The following HMX1 variants were observed in gnomAD, a reference collection of about 807,000 sequenced individuals.
HMX1 encodes the protein homeobox protein HMX1.
In HMX1, 8 loss-of-function variants were observed where a neutral mutation model predicts 8.9. That is an observed-to-expected ratio of 0.90 (90% CI 0.53 to 1.63). HMX1 has a LOEUF of 1.63. Among genes scored for constraint, HMX1 ranks in the 40% most tolerant of loss-of-function variants. The pLI, the probability that HMX1 is intolerant of heterozygous loss-of-function variation, is 0.00. For missense variants in HMX1, 621 were observed against 558.5 expected (o/e 1.11, Z -1.13); for synonymous variants, 311 against 283.4 (o/e 1.10, Z -0.98).
intron 1 of HMX1, among the ~76,000 whole-genome samples, chr4:8,846,652 C>T (rs910167016): frequency 2.6e-5 from 4 of 152,156 alleles, no homozygotes; most frequent in African/African-American, 9.6e-5. Context: ...AGGCCTCCTG[C>T]CTCTTCCACC....
Position 8,871,081 on chromosome 4 carries a change from C to A in HMX1, c.394+140G>T. 1 of 989,266 alleles carries A rather than the reference C, an allele frequency of 1.0e-6. No homozygotes were observed. The highest frequency in any genetic ancestry group is 1.3e-6 in the Non-Finnish European group (1 of 765,548). The allele number at this position is 989,266 out of a possible 1,614,324, so 61.3% of individuals were successfully genotyped here. A position where few individuals can be genotyped will look rare whatever the true frequency, so the allele number is the denominator to read the frequency against. The stretch of plus-strand genomic sequence containing the variant: ...GCCCAACCAGGGGCTCCTGGGGGCC[C>A]CACAAGGCCCAGACGCCGTTCCACA... On this transcript the variant is annotated intron_variant, in intron 1 of 1. Coordinates refer to ENST00000400677, the MANE Select transcript of HMX1 (RefSeq NM_018942.3). The surrounding 1 kb of genome is among the most constrained non-coding windows in gnomAD (Gnocchi z 4.8).
chr4:8,867,429 G>GT lies in HMX1; in HGVS notation c.*263_*264insA. 9.1e-7 allele frequency: 1 copy of GT among 1,097,620 alleles called. No individual in the cohort carries two copies. Among genetic ancestry groups the GT allele is most frequent in the Non-Finnish European group, 1.1e-6 (1 of 902,908 alleles). 68.0% of individuals were successfully genotyped at this position (1,097,620 alleles called of 1,614,324 possible). On this transcript the variant is annotated 3_prime_UTR_variant, in exon 2 of 2. Coordinates refer to ENST00000400677, the MANE Select transcript of HMX1 (RefSeq NM_018942.3). The stretch of plus-strand genomic sequence containing the variant: ...CCGGGGGGTGGCCGTGGCGCCGGGG[G>GT]CTGCGCAGCCCAGAGTCTCTGCATG...
intron 1 of HMX1, among the ~76,000 whole-genome samples, chr4:8,859,596 A>G (rs550883783): frequency 1.3e-5 from 2 of 152,096 alleles, no homozygotes; most frequent in East Asian, 3.9e-4. Context: ...ACCCTCCCCC[A>G]CTCACCCAGA....
At chr4:8,859,345 C>T (rs765482017) in intron 1 of HMX1, among the ~76,000 whole-genome samples, 1 of 152,018 alleles carries the variant, frequency 6.6e-6, no homozygotes, top group Non-Finnish European at 1.5e-5. Flanking sequence ...CGATTGACAG[C>T]CCTCCCAGAA....
At chr4:8,846,369 G>A (rs1721275969) in intron 1 of HMX1, 6 of 1,419,038 alleles carry the variant, frequency 4.2e-6, no homozygotes, top group South Asian at 1.3e-5. Flanking sequence ...AGTCATGTCT[G>A]CACAAGGTGT....
intron 1 of HMX1, chr4:8,846,369 G>T: frequency 7.0e-7 from 1 of 1,419,156 alleles, no homozygotes; most frequent in Non-Finnish European, 9.5e-7. Flanking sequence ...AGTCATGTCT[G>T]CACAAGGTGT....
rs1721338540 is a variant in HMX1, at chr4:8,848,397, T to G, written c.395-2073A>C. On this transcript the variant is annotated intron_variant, in intron 1 of 1. Transcript: ENST00000506970. This position sits in a 1 kb window ranked among gnomAD's most constrained non-coding sequence, Gnocchi z 4.1. Reference sequence around the variant, plus strand: ...TAGCTTCTATTGGACAATGCCACCTTGAAGCCTATGATATTTTGATAAAAT... The same window carrying G: ...TAGCTTCTATTGGACAATGCCACCTGGAAGCCTATGATATTTTGATAAAAT... Among the ~76,000 whole-genome samples the G allele has an allele frequency of 1.3e-5, 2 of 152,250 alleles. No homozygotes were observed. The highest frequency in any genetic ancestry group is 4.1e-4 in the South Asian group (2 of 4,836).
At chr4:8,864,314 A>C (rs983857017), downstream of HMX1, among the ~76,000 whole-genome samples, 1 of 152,182 alleles carries the variant, frequency 6.6e-6, no homozygotes, top group Non-Finnish European at 1.5e-5. Flanking sequence ...TGTGTCCAGG[A>C]TGTCCAGAGC....
At chr4:8,869,052 A>G (rs141149917) in intron 1 of HMX1, among the ~76,000 whole-genome samples, 2,075 of 152,296 alleles carry the variant, frequency 0.014, 26 homozygotes, top group Non-Finnish European at 0.021. Flanking sequence ...ACCAGCCACA[A>G]TCATGCTCAA....
rs954613433 is a variant in HMX1 at position 8,868,326 on chromosome 4, C to T, written c.414G>A (p.Pro138=). The T allele has an allele frequency of 3.5e-6, 5 of 1,409,678 alleles. No homozygotes were observed. Among genetic ancestry groups the T allele is most frequent in the East Asian group, 6.1e-5 (2 of 32,944 alleles). 87.3% of individuals were successfully genotyped at this position (1,409,678 alleles called of 1,614,324 possible). A position where few individuals can be genotyped will look rare whatever the true frequency, so the allele number is the denominator to read the frequency against. Residue 138 remains proline (P), a synonymous_variant, in exon 2 of 2, where the codon CCG becomes CCA. Coordinates refer to ENST00000400677, the MANE Select transcript of HMX1 (RefSeq NM_018942.3). The surrounding 1 kb of genome is among the most constrained non-coding windows in gnomAD (Gnocchi z 4.6). ...CACGGCCCATCTCCTCGCCCGTCTCCGGTGAGTCCCGGTCGCTGGCTGCAG... is the reference window on the plus strand; with the variant it reads ...CACGGCCCATCTCCTCGCCCGTCTCTGGTGAGTCCCGGTCGCTGGCTGCAG... The part of the protein sequence containing the change: ...LSPDTSDRDS[P]ETGEEMGRAE...
chr4:8,871,197 C>T lies in HMX1; in HGVS notation c.394+24G>A. ...GGAAGTCGGGCCCCACCGCCTGACCCACCCTCCCCGCGCCCTCACTCACTG... is the reference window on the plus strand; with the variant it reads ...GGAAGTCGGGCCCCACCGCCTGACCTACCCTCCCCGCGCCCTCACTCACTG... On this transcript the variant is annotated intron_variant, in intron 1 of 1. Coordinates refer to ENST00000400677, the MANE Select transcript of HMX1 (RefSeq NM_018942.3). This position sits in a 1 kb window ranked among gnomAD's most constrained non-coding sequence, Gnocchi z 4.8. The T allele has an allele frequency of 7.2e-7, 1 of 1,398,234 alleles. No individual in the cohort carries two copies. 86.6% of individuals were successfully genotyped at this position (1,398,234 alleles called of 1,614,324 possible).
In HMX1 at chr4:8,849,859, C is replaced by T. The variant is rs992291202; in HGVS notation, c.395-3535G>A. ...ATTTGTCATTTAACTCCACCCTCAG[C>T]CCGGAGTCTTCAGATGAGGGTTCTC... On this transcript the variant is annotated intron_variant, in intron 1 of 1. Coordinates refer to the HMX1 transcript ENST00000506970. The surrounding 1 kb of genome is among the most constrained non-coding windows in gnomAD (Gnocchi z 6.6). Among the ~76,000 whole-genome samples the T allele has an allele frequency of 2.6e-5, 4 of 152,218 alleles. No individual in the cohort carries two copies. Among genetic ancestry groups the T allele is most frequent in the Admixed American group, 6.5e-5 (1 of 15,290 alleles).
chr4:8,860,727 G>C (rs1022415540), intron 1 of HMX1: 2 of 152,340 alleles, frequency 1.3e-5, no homozygotes, highest in African/African-American at 4.8e-5. Flanking sequence ...AGGCCCGGGC[G>C]GATCAGACGC....
Position 8,871,536 on chromosome 4 carries a change from C to T in HMX1, c.79G>A (p.Ala27Thr), listed in dbSNP as rs1157791586. The T allele has an allele frequency of 1.5e-6, 2 of 1,360,216 alleles. No individual in the cohort carries two copies. Among genetic ancestry groups the T allele is most frequent in the East Asian group, 3.2e-5 (1 of 31,106 alleles). The allele number at this position is 1,360,216 out of a possible 1,614,324, so 84.3% of individuals were successfully genotyped here. A position where few individuals can be genotyped will look rare whatever the true frequency, so the allele number is the denominator to read the frequency against. The change falls in exon 1 of 2, where the codon GCC becomes ACC. Residue 27 changes from alanine (A) to threonine (T), a missense_variant. Physicochemically the swap from Ala to Thr is moderately conservative, Grantham distance 58 (BLOSUM62 0). Coordinates refer to ENST00000400677, the MANE Select transcript of HMX1 (RefSeq NM_018942.3). This position sits in a 1 kb window ranked among gnomAD's most constrained non-coding sequence, Gnocchi z 4.8. ...SSFLIENLLAAEAKGAGRATQ... is the reference protein window; with the variant it reads ...SSFLIENLLATEAKGAGRATQ... ...GCGCGCCCTGCGCCCTTGGCCTCGGCCGCCAGCAGGTTCTCGATGAGGAAG... is the reference window on the plus strand; with the variant it reads ...GCGCGCCCTGCGCCCTTGGCCTCGGTCGCCAGCAGGTTCTCGATGAGGAAG...
intron 1 of HMX1, among the ~76,000 whole-genome samples, chr4:8,860,432 G>A (rs970708762): frequency 1.3e-5 from 2 of 152,246 alleles, no homozygotes; most frequent in African/African-American, 4.8e-5. Context: ...CCCCCGCTAC[G>A]ATGACCACTC....
chr4:8,869,909 C>T (rs1465485446), intron 1 of HMX1, among the ~76,000 whole-genome samples: 1 of 152,150 alleles, frequency 6.6e-6, no homozygotes, highest in East Asian at 1.9e-4. Flanking sequence ...CCTGAGAAAC[C>T]CTTTCCATAG....
chr4:8,867,496 G>A lies in HMX1; in HGVS notation c.*197C>T. On this transcript the variant is annotated 3_prime_UTR_variant, in exon 2 of 2. Transcript: ENST00000400677. ...GGGATCCAGCCTGGCAAATGGGTGGGGCGTCCCATTACATTCTAGAGGCGC... is the reference window on the plus strand; with the variant it reads ...GGGATCCAGCCTGGCAAATGGGTGGAGCGTCCCATTACATTCTAGAGGCGC... 10 of 1,173,264 alleles carry A rather than the reference G, an allele frequency of 8.5e-6. No individual in the cohort carries two copies. Among genetic ancestry groups the A allele is most frequent in the Non-Finnish European group, 9.5e-6 (9 of 950,990 alleles). 72.7% of individuals were successfully genotyped at this position (1,173,264 alleles called of 1,614,324 possible).
At position 8,868,213 on chromosome 4, in the gene HMX1, G is replaced by C; in HGVS notation, c.527C>G (p.Thr176Arg). The C allele has an allele frequency of 6.9e-7, 1 of 1,451,178 alleles. No homozygotes were observed. 89.9% of individuals were successfully genotyped at this position (1,451,178 alleles called of 1,614,324 possible). A position where few individuals can be genotyped will look rare whatever the true frequency, so the allele number is the denominator to read the frequency against. Reference protein sequence around the residue: ...ELAARGPAAGTEEASELAEVP... With the variant: ...ELAARGPAAGREEASELAEVP... ...CTCGGCCAGCTCCGACGCCTCCTCC[G>C]TGCCGGCCGCCGGGCCACGCGCCGC... is the stretch of plus-strand genomic sequence containing the variant. The change falls in exon 2 of 2, where the codon ACG becomes AGG. Residue 176 changes from threonine to arginine, a missense_variant. By Grantham distance (71) the Thr-to-Arg change is moderately conservative. Transcript: ENST00000400677. This position sits in a 1 kb window ranked among gnomAD's most constrained non-coding sequence, Gnocchi z 4.6.
At chr4:8,865,592 C>A (rs1721970206), downstream of HMX1, among the ~76,000 whole-genome samples, 1 of 152,048 alleles carries the variant, frequency 6.6e-6, no homozygotes, top group Admixed American at 6.5e-5. Context: ...CGACAGAAGC[C>A]CAGAGGGCGA....
Sources: gnomAD v4.1 joint callset for allele counts (sites outside exome capture counted in the v4.1 genomes callset) on GRCh38, gnomAD v4.1.1 for gene constraint, Gnocchi (gnomAD v3.1) non-coding constraint, MANE v1.5 for transcripts, NCBI Gene and HGNC (gene_info 2026-07-23, HGNC 2026-07-21) for gene names.